The following PTPRD variants were observed in gnomAD, a reference collection of about 807,000 sequenced individuals.
PTPRD encodes protein tyrosine phosphatase receptor type D.
Under a neutral mutation model 214.5 loss-of-function variants are expected in PTPRD, and 34 were observed. That is an observed-to-expected ratio of 0.16 (90% CI 0.12 to 0.21). The LOEUF is 0.21. PTPRD is among the 10% of genes least tolerant of loss of function. PTPRD has a pLI of 1.00. For missense variants in PTPRD, 2,545 were observed against 2,398.7 expected, an observed-to-expected ratio of 1.06 and a Z score of -1.27; for synonymous variants, 1,128 against 845.7, an observed-to-expected ratio of 1.33 and a Z score of -5.79.
intron 3 of PTPRD, among the ~76,000 whole-genome samples, chr9:10,335,816 A>T (rs1004288097): frequency 6.6e-6 from 1 of 151,856 alleles, no homozygotes; most frequent in African/African-American, 2.4e-5. Context: ...AAGAATATAT[A>T]CACACGGCAA....
intron 3 of PTPRD, among the ~76,000 whole-genome samples, chr9:10,174,330 C>A (rs954779892): frequency 1.3e-5 from 2 of 152,026 alleles, no homozygotes; most frequent in African/African-American, 4.8e-5. Context: ...TTAAAAACAG[C>A]CTGGAAATTC....
intron 4 of PTPRD, among the ~76,000 whole-genome samples, chr9:9,952,318 C>T (rs1279109576): frequency 6.6e-6 from 1 of 152,104 alleles, no homozygotes; most frequent in Non-Finnish European, 1.5e-5. Context: ...GGTACTTAAA[C>T]AGAAGGTGTA....
At position 10,171,676 on chromosome 9, in the gene PTPRD, T is replaced by C. The variant is rs200948968; in HGVS notation, c.-544-137886A>G. On this transcript the variant is annotated intron_variant, in intron 3 of 45. Coordinates refer to ENST00000381196, the MANE Select transcript of PTPRD (RefSeq NM_002839.4). Reference sequence around the variant, plus strand: ...AGTAGCTGGGACCACAGGCGCCCGCTACCACGCCCGGCTAATTTTTGTATT... The same window carrying C: ...AGTAGCTGGGACCACAGGCGCCCGCCACCACGCCCGGCTAATTTTTGTATT... 7.6e-4 allele frequency among the ~76,000 whole-genome samples: 115 copies of C among 152,096 alleles called. 1 individual carries two copies. Among genetic ancestry groups the C allele is most frequent in the African/African-American group, 2.5e-3 (105 of 41,540 alleles).
intron 11 of PTPRD, among the ~76,000 whole-genome samples, chr9:8,989,502 C>T (rs1242768346): frequency 6.6e-6 from 1 of 152,026 alleles, no homozygotes; most frequent in African/African-American, 2.4e-5. Flanking sequence ...ATAATGACCT[C>T]CAGTTCCGTC....
chr9:9,800,855 C>G (rs2099035100), intron 5 of PTPRD, among the ~76,000 whole-genome samples: 1 of 152,146 alleles, frequency 6.6e-6, no homozygotes, highest in African/African-American at 2.4e-5. Context: ...TGTAAAACAA[C>G]AGCCACTCAA....
At position 9,756,587 on chromosome 9, in the gene PTPRD, G is replaced by A. The variant is rs1408119; in HGVS notation, c.-326+10223C>T. 0.037 allele frequency among the ~76,000 whole-genome samples: 5,581 copies of A among 152,048 alleles called. 547 individuals are homozygous for A. In the East Asian group the frequency reaches 0.38, roughly 10 times the overall value. On this transcript the variant is annotated intron_variant, in intron 6 of 45. Transcript: ENST00000381196. ...TAGGGGGTGGGGGTTGGAGGAATGG[G>A]GAACAACTGTTTAGTGGATACAGAG...
At chr9:10,523,838 A>G (rs1241185979) in intron 2 of PTPRD, among the ~76,000 whole-genome samples, 1 of 151,762 alleles carries the variant, frequency 6.6e-6, no homozygotes, top group Non-Finnish European at 1.5e-5. Flanking sequence ...CTAACTATAT[A>G]TTCTAGATAC....
chr9:9,660,004 G>A (rs140377467), intron 7 of PTPRD, among the ~76,000 whole-genome samples: 5 of 152,018 alleles, frequency 3.3e-5, no homozygotes, highest in African/African-American at 1.2e-4. Context: ...ATAATACATA[G>A]TCACAAATAC....
chr9:8,778,484 G>A (rs898972381), intron 11 of PTPRD, among the ~76,000 whole-genome samples: 9 of 152,138 alleles, frequency 5.9e-5, no homozygotes, highest in African/African-American at 2.2e-4. Flanking sequence ...ATTACTAGCT[G>A]CGAATCTGCC....
chr9:10,152,827 C>A (rs961183676), intron 3 of PTPRD, among the ~76,000 whole-genome samples: 1 of 151,702 alleles, frequency 6.6e-6, no homozygotes, highest in Non-Finnish European at 1.5e-5. Flanking sequence ...TCCCCCCCTA[C>A]CCTCCCCCAA....
chr9:9,921,571 A>G (rs752193262), intron 5 of PTPRD, among the ~76,000 whole-genome samples: 1 of 151,824 alleles, frequency 6.6e-6, no homozygotes, highest in Non-Finnish European at 1.5e-5. Flanking sequence ...GAGAACTTAC[A>G]AATTACATAA....
chr9:9,619,285 T>A (rs1047101543), intron 7 of PTPRD, among the ~76,000 whole-genome samples: 6 of 151,948 alleles, frequency 3.9e-5, no homozygotes, highest in African/African-American at 1.4e-4. Flanking sequence ...CAGTATCATT[T>A]TGAGACTAGA....
chr9:8,593,496 A>C (rs1564584371), intron 14 of PTPRD, among the ~76,000 whole-genome samples: 1 of 152,222 alleles, frequency 6.6e-6, no homozygotes, highest in East Asian at 1.9e-4. Flanking sequence ...TAACTGGTAG[A>C]TATAACTAGT....
chr9:8,367,634 C>T (rs1158828101), intron 39 of PTPRD, among the ~76,000 whole-genome samples: 1 of 152,112 alleles, frequency 6.6e-6, no homozygotes, highest in Non-Finnish European at 1.5e-5. Flanking sequence ...TTCCAGTTGC[C>T]ACCCATCTTC....
intron 2 of PTPRD, among the ~76,000 whole-genome samples, chr9:10,467,656 C>A (rs1185206121): frequency 6.6e-6 from 1 of 151,234 alleles, no homozygotes; most frequent in Non-Finnish European, 1.5e-5. Context: ...ATATACATTC[C>A]AAAAAAATGG....
chr9:8,652,243 T>C (rs1377848868), intron 12 of PTPRD, among the ~76,000 whole-genome samples: 1 of 152,220 alleles, frequency 6.6e-6, no homozygotes, highest in Non-Finnish European at 1.5e-5. Context: ...CTGAAACACT[T>C]CTGGTGGTGG....
intron 14 of PTPRD, among the ~76,000 whole-genome samples, chr9:8,573,167 G>C (rs1043994255): frequency 2.0e-5 from 3 of 151,950 alleles, no homozygotes; most frequent in Non-Finnish European, 2.9e-5. Context: ...AGGTATGAAT[G>C]AATGCATGAC....
At chr9:9,924,625 G>C (rs1003948649) in intron 5 of PTPRD, among the ~76,000 whole-genome samples, 11 of 151,976 alleles carry the variant, frequency 7.2e-5, no homozygotes, top group Non-Finnish European at 1.2e-4. Context: ...CTTTTTAAAA[G>C]AAACATGGTC....
At chr9:9,840,237 AC>A (rs2057955088) in intron 5 of PTPRD, among the ~76,000 whole-genome samples, 1 of 150,964 alleles carries the variant, frequency 6.6e-6, no homozygotes, top group Non-Finnish European at 1.5e-5. Flanking sequence ...GGGGTTTTAA[AC>A]TCCTGGCCTC....
Sources: gnomAD v4.1 joint callset for allele counts (sites outside exome capture counted in the v4.1 genomes callset) on GRCh38, gnomAD v4.1.1 for gene constraint, MANE v1.5 for transcripts, NCBI Gene and HGNC (gene_info 2026-07-23, HGNC 2026-07-21) for gene names.